Variants in KCNQ3 observed in about 807,000 individuals in gnomAD.
KCNQ3 encodes potassium voltage-gated channel subfamily Q member 3, also known as potassium voltage-gated channel subfamily KQT member 3.
A neutral mutation model predicts 92.5 loss-of-function variants in KCNQ3; 30 were observed. The observed-to-expected ratio is 0.32, with a 90% CI of 0.24 to 0.44. The LOEUF is 0.44. KCNQ3 is among the 20% of genes least tolerant of loss of function. The pLI, the probability that KCNQ3 is intolerant of heterozygous loss-of-function variation, is 1.00. For synonymous variants in KCNQ3, 450 were observed against 468.8 expected, an observed-to-expected ratio of 0.96 and a Z score of 0.52; for missense variants, 913 against 1,140.3, an observed-to-expected ratio of 0.80 and a Z score of 2.87.
intron 1 of KCNQ3, among the ~76,000 whole-genome samples, chr8:132,450,718 C>CT (rs1821799970): frequency 1.3e-5 from 2 of 152,172 alleles, no homozygotes; most frequent in Admixed American, 1.3e-4. Context: ...GGTGAATGCC[C>CT]TTTGAGCCGA....
At chr8:132,220,754 C>T (rs752513966) in intron 1 of KCNQ3, among the ~76,000 whole-genome samples, 15 of 151,582 alleles carry the variant, frequency 9.9e-5, no homozygotes, top group Non-Finnish European at 2.1e-4. Flanking sequence ...TAAATATATA[C>T]ATAAATACAT....
chr8:132,446,201 A>G (rs558664439), intron 1 of KCNQ3, among the ~76,000 whole-genome samples: 1 of 152,318 alleles, frequency 6.6e-6, no homozygotes, highest in African/African-American at 2.4e-5. Context: ...GGCTTCCACA[A>G]CATGCCTCAG....
intron 1 of KCNQ3, among the ~76,000 whole-genome samples, chr8:132,337,304 T>C (rs1031778990): frequency 6.6e-6 from 1 of 151,948 alleles, no homozygotes; most frequent in Admixed American, 6.6e-5. Flanking sequence ...GCATGAGCAA[T>C]AAAGTGAGAG....
chr8:132,227,770 C>T (rs1814479474), intron 1 of KCNQ3, among the ~76,000 whole-genome samples: 1 of 152,122 alleles, frequency 6.6e-6, no homozygotes, highest in Admixed American at 6.5e-5. Context: ...GTGGTCACAC[C>T]AGTTATACGA....
intron 8 of KCNQ3, among the ~76,000 whole-genome samples, chr8:132,167,554 T>C (rs1826176988): frequency 6.6e-6 from 1 of 152,234 alleles, no homozygotes. Flanking sequence ...AGCTACTTCT[T>C]TGCCATTAAC....
intron 1 of KCNQ3, among the ~76,000 whole-genome samples, chr8:132,451,204 C>T (rs2673568): frequency 0.97 from 147,028 of 152,294 alleles, 71,019 homozygotes; most frequent in African/African-American, 0.99. Flanking sequence ...CCTGCACATG[C>T]TGTCTTGCCT....
At chr8:132,349,010 A>C (rs946436766) in intron 1 of KCNQ3, among the ~76,000 whole-genome samples, 3 of 152,228 alleles carry the variant, frequency 2.0e-5, no homozygotes, top group Non-Finnish European at 4.4e-5. Flanking sequence ...CTTTCAGAAA[A>C]GCCAAGTTGA....
intron 1 of KCNQ3, among the ~76,000 whole-genome samples, chr8:132,364,670 TGGACGGACGGAC>T (rs142558838): frequency 2.0e-5 from 3 of 149,106 alleles, no homozygotes; most frequent in Admixed American, 6.6e-5. Flanking sequence ...AGTAAATGGA[TGGACGGACGGAC>T]GGACGGACGG....
intron 1 of KCNQ3, among the ~76,000 whole-genome samples, chr8:132,191,696 C>T (rs1827168584): frequency 6.6e-6 from 1 of 151,086 alleles, no homozygotes; most frequent in South Asian, 2.1e-4. Flanking sequence ...AATCTCTATC[C>T]AAAGACAGGT....
chr8:132,467,264 C>A (rs1446130060), intron 1 of KCNQ3, among the ~76,000 whole-genome samples: 1 of 152,164 alleles, frequency 6.6e-6, no homozygotes, highest in African/African-American at 2.4e-5. Context: ...GAGTGCCTAG[C>A]CCATGGCACA....
chr8:132,172,867 A>G (rs1362566534), intron 6 of KCNQ3, among the ~76,000 whole-genome samples, 174 bp from the exon 7 acceptor site: 1 of 152,160 alleles, frequency 6.6e-6, no homozygotes, highest in Non-Finnish European at 1.5e-5. Flanking sequence ...TGAAGAGAGT[A>G]GGGAGCTTGG....
intron 1 of KCNQ3, among the ~76,000 whole-genome samples, chr8:132,187,822 G>GTAGTGATGA (rs1827031312): frequency 6.9e-6 from 1 of 145,484 alleles, no homozygotes; most frequent in African/African-American, 2.7e-5. Context: ...GGTGGTGGTG[G>GTAGTGATGA]TGGTGGTGAT....
At chr8:132,308,122 A>G (rs1817485503) in intron 1 of KCNQ3, among the ~76,000 whole-genome samples, 1 of 152,164 alleles carries the variant, frequency 6.6e-6, no homozygotes, top group South Asian at 2.1e-4. Context: ...GATATCTCCT[A>G]TCTCACGGGG....
At chr8:132,265,871 T>C (rs1177374534) in intron 1 of KCNQ3, among the ~76,000 whole-genome samples, 1 of 152,238 alleles carries the variant, frequency 6.6e-6, no homozygotes, top group Admixed American at 6.5e-5. Context: ...CTCCATCTTC[T>C]GTCTTCATTT....
chr8:132,180,835 T>TAAA (rs11404512), intron 3 of KCNQ3, among the ~76,000 whole-genome samples: 371 of 143,566 alleles, frequency 2.6e-3, no homozygotes, highest in Non-Finnish European at 4.0e-3. Flanking sequence ...GAGAGAATGT[T>TAAA]AAAAAAAAAA....
intron 1 of KCNQ3, among the ~76,000 whole-genome samples, chr8:132,346,089 CGATGATGAT>C (rs934256316): frequency 1.3e-5 from 2 of 151,736 alleles, no homozygotes; most frequent in Admixed American, 1.3e-4. Flanking sequence ...GACAAGATGA[CGATGATGAT>C]GATGGTGATA....
chr8:132,448,347 T>A (rs1050356583), intron 1 of KCNQ3, among the ~76,000 whole-genome samples: 12 of 150,832 alleles, frequency 8.0e-5, no homozygotes, highest in African/African-American at 2.9e-4. Flanking sequence ...GCAAGCAAGA[T>A]CCCTGGGACG....
chr8:132,240,693 A>C (rs1814966183), intron 1 of KCNQ3, among the ~76,000 whole-genome samples: 1 of 152,160 alleles, frequency 6.6e-6, no homozygotes, highest in Non-Finnish European at 1.5e-5. Context: ...GATATTTGTC[A>C]CTTTTGTTCA....
intron 8 of KCNQ3, among the ~76,000 whole-genome samples, chr8:132,166,626 GA>G (rs1826151615): frequency 6.6e-6 from 1 of 152,060 alleles, no homozygotes; most frequent in Non-Finnish European, 1.5e-5. Flanking sequence ...GTTTGGACTT[GA>G]AACTCTTTGA....
Sources: gnomAD v4.1 joint callset for allele counts (sites outside exome capture counted in the v4.1 genomes callset) on GRCh38, gnomAD v4.1.1 for gene constraint, MANE v1.5 for transcripts, NCBI Gene and HGNC (gene_info 2026-07-23, HGNC 2026-07-21) for gene names.